Variants in STAG1 observed in about 807,000 individuals in gnomAD.
The protein encoded by STAG1 is STAG1 cohesin complex component, also known as cohesin subunit SA-1.
Under a neutral mutation model 170.9 loss-of-function variants are expected in STAG1, and 26 were observed. The observed-to-expected ratio is 0.15, with a 90% CI of 0.11 to 0.21. The LOEUF is 0.21. Ranked by LOEUF, STAG1 falls within the 10% of genes least tolerant of loss-of-function variation. The pLI is 1.00. For missense variants in STAG1, 964 were observed against 1,509.5 expected, an observed-to-expected ratio of 0.64 and a Z score of 5.99; for synonymous variants, 514 against 497.7, an observed-to-expected ratio of 1.03 and a Z score of -0.44.
intron 1 of STAG1, among the ~76,000 whole-genome samples, chr3:136,675,785 ATATTAT>A (rs1207796642): frequency 2.0e-5 from 3 of 152,024 alleles, no homozygotes; most frequent in South Asian, 2.1e-4. Flanking sequence ...ATGAAATCAT[ATATTAT>A]TATTAACATT....
At position 136,381,966 on chromosome 3, in the gene STAG1, G is replaced by C. The variant is rs531528088; in HGVS notation, c.2278-4214C>G. On this transcript the variant is annotated intron_variant, in intron 22 of 33. Coordinates refer to ENST00000383202, the MANE Select transcript of STAG1 (RefSeq NM_005862.3). ...GTATTCAAAGGAACACTGTTCCACT[G>C]TTAGTACCTAAAATAGTGCTTTGCA... 7.2e-4 allele frequency among the ~76,000 whole-genome samples: 109 copies of C among 152,234 alleles called. 1 individual carries two copies. The South Asian group carries it at 0.022, about 31-fold the overall frequency.
At chr3:136,524,468 T>C (rs1250676269) in intron 6 of STAG1, among the ~76,000 whole-genome samples, 2 of 152,238 alleles carry the variant, frequency 1.3e-5, no homozygotes, top group Non-Finnish European at 2.9e-5. Flanking sequence ...TTTGCTGAAG[T>C]TGCTTATCAG....
chr3:136,591,635 T>C (rs899730390), intron 4 of STAG1: 3 of 273,630 alleles, frequency 1.1e-5, no homozygotes, highest in East Asian at 1.3e-4. Context: ...AATATGGCTA[T>C]TGTGCAAGTT....
At chr3:136,339,842 T>A (rs961745718) in intron 32 of STAG1, among the ~76,000 whole-genome samples, 1 of 152,182 alleles carries the variant, frequency 6.6e-6, no homozygotes, top group African/African-American at 2.4e-5. Context: ...CTCAAACATG[T>A]CTTCTCATAC....
At chr3:136,672,817 A>G (rs1559942690) in intron 1 of STAG1, among the ~76,000 whole-genome samples, 11 of 152,240 alleles carry the variant, frequency 7.2e-5, no homozygotes. Flanking sequence ...AAAATATAAC[A>G]GTATTGTTAG....
At chr3:136,492,234 T>G (rs1003116031) in intron 9 of STAG1, among the ~76,000 whole-genome samples, 1 of 152,230 alleles carries the variant, frequency 6.6e-6, no homozygotes, top group Non-Finnish European at 1.5e-5. Context: ...CAACTACACT[T>G]GTATTCTAGT....
intron 1 of STAG1, among the ~76,000 whole-genome samples, chr3:136,669,377 G>A (rs560743496): frequency 4.1e-4 from 62 of 151,922 alleles, no homozygotes; most frequent in Non-Finnish European, 7.6e-4. Flanking sequence ...TTTTTGAGAC[G>A]ATGTCTTGCT....
At chr3:136,413,386 TTTGA>T (rs1271676009) in intron 21 of STAG1, among the ~76,000 whole-genome samples, 4 of 150,046 alleles carry the variant, frequency 2.7e-5, no homozygotes, top group South Asian at 2.1e-4. Flanking sequence ...ATGTCTATAA[TTTGA>T]TTGTTTTTTA....
At chr3:136,511,599 G>C (rs1373771437) in intron 7 of STAG1, among the ~76,000 whole-genome samples, 1 of 152,160 alleles carries the variant, frequency 6.6e-6, no homozygotes, top group African/African-American at 2.4e-5. Flanking sequence ...TAAACGATGA[G>C]AAAGCATGAA....
At chr3:136,366,037 A>G (rs563846725) in intron 25 of STAG1, among the ~76,000 whole-genome samples, 2 of 151,874 alleles carry the variant, frequency 1.3e-5, no homozygotes, top group South Asian at 2.1e-4. Flanking sequence ...GTCTCTCTCT[A>G]TATTTGGTGT....
At chr3:136,367,753 A>G (rs1021936875) in intron 24 of STAG1, among the ~76,000 whole-genome samples, 3 of 152,182 alleles carry the variant, frequency 2.0e-5, no homozygotes, top group African/African-American at 4.8e-5. Flanking sequence ...ATCAACTGAG[A>G]AACAAAATAT....
intron 21 of STAG1, among the ~76,000 whole-genome samples, chr3:136,401,990 C>G (rs1254668364): frequency 6.6e-6 from 1 of 151,940 alleles, no homozygotes; most frequent in Non-Finnish European, 1.5e-5. Flanking sequence ...GTGATCCACC[C>G]GCCTCGACCT....
intron 7 of STAG1, among the ~76,000 whole-genome samples, chr3:136,510,329 G>A (rs1180726695): frequency 3.3e-5 from 5 of 152,096 alleles, no homozygotes; most frequent in South Asian, 2.1e-4. Flanking sequence ...TCATTCTGTC[G>A]CCCAGACGGG....
intron 9 of STAG1, among the ~76,000 whole-genome samples, chr3:136,484,716 C>T (rs369074629): frequency 7.0e-3 from 824 of 117,772 alleles, no homozygotes; most frequent in South Asian, 0.022. Flanking sequence ...ACTGCTGTGC[C>T]AGCAATCAGC....
intron 5 of STAG1, among the ~76,000 whole-genome samples, chr3:136,548,530 T>A (rs925361720): frequency 1.3e-5 from 2 of 152,208 alleles, no homozygotes; most frequent in African/African-American, 4.8e-5. Context: ...TGTGATTCCA[T>A]ATGAAGTTCA....
rs1942363916 is a variant in STAG1, at chr3:136,682,366, A to G, written c.-83-51385T>C. ...CTTGAACCCGGAAGGCAGAGGTTGC[A>G]GTGAGCCAAGATCATGCCACTACAT... On this transcript the variant is annotated intron_variant, in intron 1 of 33. Coordinates refer to ENST00000383202, the MANE Select transcript of STAG1 (RefSeq NM_005862.3). Among the ~76,000 whole-genome samples, 3 of 151,896 alleles carry G rather than the reference A, an allele frequency of 2.0e-5. No individual in the cohort carries two copies. The South Asian group carries it at 6.2e-4, about 32-fold the overall frequency.
chr3:136,568,734 A>G, intron 5 of STAG1, 31 bp downstream of exon 5: 1 of 1,505,446 alleles, frequency 6.6e-7, no homozygotes, highest in Non-Finnish European at 9.2e-7. Flanking sequence ...TGACAGGCTC[A>G]ATGTACATCA....
chr3:136,654,684 A>G (rs1158681729), intron 1 of STAG1, among the ~76,000 whole-genome samples: 1 of 152,230 alleles, frequency 6.6e-6, no homozygotes, highest in African/African-American at 2.4e-5. Context: ...ACAATCTTGA[A>G]TTTGAGGAAC....
intron 4 of STAG1, among the ~76,000 whole-genome samples, chr3:136,573,236 A>G (rs1937334087): frequency 6.6e-6 from 1 of 152,104 alleles, no homozygotes; most frequent in Admixed American, 6.5e-5. Context: ...GTCATGTATG[A>G]GCCTTTCTTG....
Sources: gnomAD v4.1 joint callset for allele counts (sites outside exome capture counted in the v4.1 genomes callset) on GRCh38, gnomAD v4.1.1 for gene constraint, MANE v1.5 for transcripts, NCBI Gene and HGNC (gene_info 2026-07-23, HGNC 2026-07-21) for gene names.